MS4A13: variants seen among roughly 807,000 people sequenced by gnomAD.
MS4A13 encodes the protein membrane spanning 4-domains A13.
A neutral mutation model predicts 18.4 loss-of-function variants in MS4A13; 21 were observed. That is an observed-to-expected ratio of 1.14 (90% CI 0.81 to 1.64). The LOEUF is 1.64. MS4A13 is among the 40% of genes most tolerant of loss of function. The probability of loss-of-function intolerance (pLI) is 0.00; values close to 1 mark genes in which losing one functional copy is unlikely to be tolerated. For missense variants in MS4A13, 173 were observed against 176.8 expected, an observed-to-expected ratio of 0.98 and a Z score of 0.12; for synonymous variants, 62 against 57.2, an observed-to-expected ratio of 1.08 and a Z score of -0.38.
rs765571856 is a variant in MS4A13 at position 60,525,296 on chromosome 11, T to A, written c.276T>A (p.Asn92Lys). 79 of 1,591,576 alleles carry A rather than the reference T, an allele frequency of 5.0e-5. 1 individual carries two copies. Among genetic ancestry groups the A allele is most frequent in the Non-Finnish European group, 6.6e-5 (77 of 1,162,856 alleles). ...CAATAATAGAGTTGTCTCATTTTAA[T>A]TCTGTGTCATACAGGAATTATGGAC... ...TLTIIELSHF[N>K]SVSYRNYGQA... is the part of the protein sequence containing the mutation. Residue 92 changes from asparagine to lysine, a missense_variant, in exon 5 of 7, where the codon AAT becomes AAA. Physicochemically the swap from Asn to Lys is moderately conservative, Grantham distance 94. Coordinates refer to ENST00000378186, the MANE Select transcript of MS4A13 (RefSeq NM_001012417.3).
In MS4A13 at chr11:60,540,998, G is replaced by A. The variant is rs79792163; in HGVS notation, c.403-1521G>A. 4.7e-3 allele frequency among the ~76,000 whole-genome samples: 711 copies of A among 150,266 alleles called. 8 individuals are homozygous for A. The highest frequency in any genetic ancestry group is 0.017 in the African/African-American group (681 of 40,994). ...GAAAGGAAAAGAAAACACATGAGACGTGTATAAAACAAATAATAAAATGTC... is the reference window on the plus strand; with the variant it reads ...GAAAGGAAAAGAAAACACATGAGACATGTATAAAACAAATAATAAAATGTC... On this transcript the variant is annotated intron_variant, in intron 6 of 6. Coordinates refer to ENST00000378186, the MANE Select transcript of MS4A13 (RefSeq NM_001012417.3).
At chr11:60,541,952 T>A (rs958140377) in intron 6 of MS4A13, among the ~76,000 whole-genome samples, 3 of 151,524 alleles carry the variant, frequency 2.0e-5, no homozygotes, top group Admixed American at 6.6e-5. Flanking sequence ...TACAAAAAAA[T>A]TAGCCAGGCA....
chr11:60,531,513 T>C (rs972037584), intron 6 of MS4A13, among the ~76,000 whole-genome samples: 6 of 152,214 alleles, frequency 3.9e-5, no homozygotes, highest in Non-Finnish European at 7.3e-5. Flanking sequence ...ACCTCAACTT[T>C]GAATATATTG....
rs116120815 is a variant in MS4A13 at position 60,518,307 on chromosome 11, A to G, written c.129+95A>G. 1.7e-4 allele frequency: 174 copies of G among 1,024,580 alleles called. No homozygotes were observed. In the African/African-American group the frequency reaches 2.1e-3, roughly 12 times the overall value. The allele number at this position is 1,024,580 out of a possible 1,614,324, so 63.5% of individuals were successfully genotyped here. ...GGAACGGTTTCTGAACAAGGTTTTC[A>G]GGAGAATTATGTAACTAAATCCCAT... On this transcript the variant is annotated intron_variant, in intron 3 of 6. Coordinates refer to ENST00000378186, the MANE Select transcript of MS4A13 (RefSeq NM_001012417.3).
At chr11:60,517,957 T>C (rs2086648043) in intron 2 of MS4A13, 115 bp from the exon 3 acceptor site, 1 of 754,918 alleles carries the variant, frequency 1.3e-6, no homozygotes, top group African/African-American at 1.8e-5. Flanking sequence ...ATTAAGTGCA[T>C]TGCTGTTTTA....
chr11:60,519,754 A>G (rs1271466250), intron 3 of MS4A13, among the ~76,000 whole-genome samples: 1 of 152,188 alleles, frequency 6.6e-6, no homozygotes, highest in African/African-American at 2.4e-5. Context: ...AGCAATTGCA[A>G]GTGGATATAG....
intron 6 of MS4A13, among the ~76,000 whole-genome samples, chr11:60,532,416 C>T (rs1357849898): frequency 6.6e-6 from 1 of 152,198 alleles, no homozygotes; most frequent in African/African-American, 2.4e-5. Context: ...GTGACGGACG[C>T]ACCTGGAAAA....
chr11:60,520,289 C>T (rs1407297741), intron 3 of MS4A13, among the ~76,000 whole-genome samples: 1 of 152,140 alleles, frequency 6.6e-6, no homozygotes, highest in Non-Finnish European at 1.5e-5. Context: ...CATGTCTTCA[C>T]ATTTCAAAAC....
chr11:60,524,373 T>C (rs2086698223), intron 4 of MS4A13, among the ~76,000 whole-genome samples: 1 of 152,168 alleles, frequency 6.6e-6, no homozygotes, highest in Admixed American at 6.5e-5. Context: ...GATCCATGCA[T>C]GGTATAGGTG....
rs1167649668 is a variant in MS4A13 at position 60,542,645 on chromosome 11, A to G, written c.*70A>G. The G allele has an allele frequency of 3.7e-5, 34 of 911,060 alleles. No individual in the cohort carries two copies. The highest frequency in any genetic ancestry group is 3.2e-5 in the Non-Finnish European group (19 of 600,762). The allele number at this position is 911,060 out of a possible 1,614,324, so 56.4% of individuals were successfully genotyped here. ...TGGGTCCTAATGATATCTCTGTATAACAAAGCAGTTACGAAGCCTACAGAT... is the reference window on the plus strand; with the variant it reads ...TGGGTCCTAATGATATCTCTGTATAGCAAAGCAGTTACGAAGCCTACAGAT... On this transcript the variant is annotated 3_prime_UTR_variant, in exon 7 of 7. Coordinates refer to ENST00000378186, the MANE Select transcript of MS4A13 (RefSeq NM_001012417.3).
At position 60,518,202 on chromosome 11, in the gene MS4A13, G is replaced by T. The variant is rs2086650557; in HGVS notation, c.119G>T (p.Trp40Leu). ...ACTTACAAAACAGGATGTACTTTAT[G>T]GGGAATTTTTGTGAGTAGAATACAT... ...PVTYKTGCTL[W>L]GIFFIIAGVF... The change falls in exon 3 of 7, where the codon TGG becomes TTG. Residue 40 changes from tryptophan to leucine, a missense_variant. Coordinates refer to ENST00000378186, the MANE Select transcript of MS4A13 (RefSeq NM_001012417.3). 1.2e-6 allele frequency: 2 copies of T among 1,608,692 alleles called. No homozygotes were observed. Among genetic ancestry groups the T allele is most frequent in the Non-Finnish European group, 1.7e-6 (2 of 1,177,218 alleles).
intron 3 of MS4A13, among the ~76,000 whole-genome samples, chr11:60,518,823 C>A (rs559246514): frequency 2.6e-5 from 4 of 152,122 alleles, no homozygotes; most frequent in African/African-American, 9.6e-5. Context: ...AAGCAAAAAC[C>A]TGGTAGGAGT....
intron 5 of MS4A13, among the ~76,000 whole-genome samples, chr11:60,527,388 C>CTGTG (rs2086723220): frequency 3.5e-4 from 44 of 127,458 alleles, no homozygotes; most frequent in African/African-American, 1.3e-3. Flanking sequence ...CTCTCTCTCT[C>CTGTG]TCTCTCTCTC....
rs551270675 is a variant in MS4A13, at chr11:60,539,907, A to G, written c.403-2612A>G. On this transcript the variant is annotated intron_variant, in intron 6 of 6. Coordinates refer to ENST00000378186, the MANE Select transcript of MS4A13 (RefSeq NM_001012417.3). ...AAATACAGACATACACAGATGAATA[A>G]TGTGTTGCTAGCAGAAATTCCTCAT... Among the ~76,000 whole-genome samples, 7 of 152,306 alleles carry G rather than the reference A, an allele frequency of 4.6e-5. 1 individual carries two copies. In the South Asian group the frequency reaches 1.2e-3, roughly 27 times the overall value.
At chr11:60,541,335 A>T (rs890127952) in intron 6 of MS4A13, among the ~76,000 whole-genome samples, 1 of 152,236 alleles carries the variant, frequency 6.6e-6, no homozygotes. Flanking sequence ...TATAGAGAGC[A>T]GTATTATTCA....
At chr11:60,540,768 G>A (rs2086850640) in intron 6 of MS4A13, among the ~76,000 whole-genome samples, 1 of 152,052 alleles carries the variant, frequency 6.6e-6, no homozygotes, top group Non-Finnish European at 1.5e-5. Flanking sequence ...GCAACATGAC[G>A]AGACCTCATC....
At position 60,542,603 on chromosome 11, in the gene MS4A13, G is replaced by C. The variant is rs112795519; in HGVS notation, c.*28G>C. 0.026 allele frequency: 39,614 copies of C among 1,505,106 alleles called. 697 individuals are homozygous for C. Among genetic ancestry groups the C allele is most frequent in the Middle Eastern group, 0.063 (367 of 5,816 alleles). The allele number at this position is 1,505,106 out of a possible 1,614,324, so 93.2% of individuals were successfully genotyped here. A position where few individuals can be genotyped will look rare whatever the true frequency, so the allele number is the denominator to read the frequency against. On this transcript the variant is annotated 3_prime_UTR_variant, in exon 7 of 7. Transcript: ENST00000378186. ...ACCCTAGAAATATGAGAATTTTGCT[G>C]TTGCTGATGCCTGGTGTGGGTCCTA... is the stretch of plus-strand genomic sequence containing the variant.
In MS4A13 at chr11:60,525,210, A is replaced by G; in HGVS notation, c.190A>G (p.Ile64Val). 1 of 1,556,482 alleles carries G rather than the reference A, an allele frequency of 6.4e-7. No homozygotes were observed. Among genetic ancestry groups the G allele is most frequent in the Non-Finnish European group, 8.9e-7 (1 of 1,129,914 alleles). The change falls in exon 5 of 7, where the codon ATA becomes GTA. Residue 64 changes from isoleucine (I) to valine (V), a missense_variant. Physicochemically the swap from Ile to Val is conservative, Grantham distance 29. Coordinates refer to ENST00000378186, the MANE Select transcript of MS4A13 (RefSeq NM_001012417.3). Reference protein sequence around the residue: ...VTKYPTRSGIISTLIINIICI... With the variant: ...VTKYPTRSGIVSTLIINIICI... Reference sequence around the variant, plus strand: ...TTGCCCTCTGTCTCCTTTTCAGATTATAAGTACTTTAATCATAAACATCAT... The same window carrying G: ...TTGCCCTCTGTCTCCTTTTCAGATTGTAAGTACTTTAATCATAAACATCAT...
chr11:60,527,322 G>A (rs2086720015), intron 5 of MS4A13, among the ~76,000 whole-genome samples: 1 of 146,994 alleles, frequency 6.8e-6, no homozygotes, highest in African/African-American at 2.5e-5. Context: ...GGGTCCAGAA[G>A]CTTACAGTTT....
Sources: allele counts gnomAD v4.1 joint callset (sites outside exome capture counted in the v4.1 genomes callset), GRCh38; gene constraint gnomAD v4.1.1; transcripts MANE v1.5; gene names NCBI Gene and HGNC (gene_info 2026-07-23, HGNC 2026-07-21).